Variants in AKT3 observed in about 807,000 individuals in gnomAD.
The protein encoded by AKT3 is AKT serine/threonine kinase 3, also known as RAC-gamma serine/threonine-protein kinase.
In AKT3, 15 loss-of-function variants were observed where a neutral mutation model predicts 65.3. The ratio of observed to expected loss-of-function variants is 0.23; its 90% CI spans 0.15 to 0.35. The LOEUF (loss-of-function observed/expected upper bound fraction) is 0.35. Ranked by LOEUF, AKT3 falls within the 10% of genes least tolerant of loss-of-function variation. AKT3 has a pLI of 1.00. For missense variants in AKT3, 243 were observed against 576.5 expected (o/e 0.42, Z 5.92); for synonymous variants, 206 against 183.8 (o/e 1.12, Z -0.98).
chr1:243,805,299 C>T (rs1313540382), intron 2 of AKT3, among the ~76,000 whole-genome samples: 1 of 152,132 alleles, frequency 6.6e-6, no homozygotes, highest in East Asian at 1.9e-4. Flanking sequence ...AGATTAACCC[C>T]ATCACCTATG....
intron 2 of AKT3, among the ~76,000 whole-genome samples, chr1:243,829,123 C>T (rs531622933): frequency 6.6e-6 from 1 of 152,242 alleles, no homozygotes; most frequent in African/African-American, 2.4e-5. Context: ...GATAATACTA[C>T]CTATAATTTG....
At chr1:243,672,189 T>C (rs1289618743) in intron 3 of AKT3, among the ~76,000 whole-genome samples, 1 of 152,136 alleles carries the variant, frequency 6.6e-6, no homozygotes, top group African/African-American at 2.4e-5. Context: ...TGACATCTCG[T>C]TTCTCCAGGT....
chr1:243,540,535 T>C (rs557867853), intron 12 of AKT3, among the ~76,000 whole-genome samples: 1 of 152,292 alleles, frequency 6.6e-6, no homozygotes, highest in South Asian at 2.1e-4. Context: ...TACAAAAATA[T>C]AGTACACATA....
chr1:243,832,446 AG>A (rs1172648657), intron 2 of AKT3, among the ~76,000 whole-genome samples: 1 of 152,208 alleles, frequency 6.6e-6, no homozygotes, highest in Non-Finnish European at 1.5e-5. Flanking sequence ...ACACATACCT[AG>A]CAAAATTTCA....
intron 2 of AKT3, among the ~76,000 whole-genome samples, chr1:243,839,910 C>T (rs1234263518): frequency 2.0e-5 from 3 of 150,206 alleles, no homozygotes; most frequent in Admixed American, 2.0e-4. Context: ...GGTCCGGGTG[C>T]GGTGGCTCAC....
At chr1:243,662,120 A>G (rs2147910090) in intron 4 of AKT3, among the ~76,000 whole-genome samples, 1 of 151,992 alleles carries the variant, frequency 6.6e-6, no homozygotes, top group East Asian at 1.9e-4. Flanking sequence ...ACTGTAAACT[A>G]GTTCAACCAT....
At chr1:243,593,976 T>A (rs1303022035) in intron 8 of AKT3, among the ~76,000 whole-genome samples, 2 of 152,098 alleles carry the variant, frequency 1.3e-5, no homozygotes, top group Non-Finnish European at 2.9e-5. Context: ...GACAAATATA[T>A]ACATGCCATA....
At chr1:243,841,033 A>G (rs1247708835) in intron 2 of AKT3, among the ~76,000 whole-genome samples, 1 of 152,124 alleles carries the variant, frequency 6.6e-6, no homozygotes, top group Admixed American at 6.5e-5. Context: ...TTTTCATTTT[A>G]TACCTTTGTG....
intron 4 of AKT3, among the ~76,000 whole-genome samples, chr1:243,661,378 G>A (rs1329185257): frequency 2.0e-5 from 3 of 152,270 alleles, no homozygotes; most frequent in African/African-American, 7.2e-5. Flanking sequence ...CAATGGAACA[G>A]AACAGGGCCC....
chr1:243,621,381 C>T (rs1431480616), intron 6 of AKT3, among the ~76,000 whole-genome samples: 1 of 152,162 alleles, frequency 6.6e-6, no homozygotes, highest in African/African-American at 2.4e-5. Flanking sequence ...ATCCTAATCT[C>T]TTCATCTTCC....
Position 243,504,135 on chromosome 1 carries a change from T to C in AKT3, c.*1114A>G, listed in dbSNP as rs1250356926. On this transcript the variant is annotated 3_prime_UTR_variant, in exon 14 of 14. Transcript: ENST00000673466. ...GATTCTCATCAGCGTGTACAATCCT[T>C]GCACATGGGTCAAAAGTAACTGCAG... The C allele has an allele frequency of 4.5e-6, 1 of 220,284 alleles. No individual in the cohort carries two copies. The highest frequency in any genetic ancestry group is 9.1e-6 in the Non-Finnish European group (1 of 109,740). 13.6% of individuals were successfully genotyped at this position (220,284 alleles called of 1,614,324 possible).
intron 3 of AKT3, among the ~76,000 whole-genome samples, chr1:243,691,430 T>G (rs1419351926): frequency 6.6e-6 from 1 of 152,160 alleles, no homozygotes; most frequent in Non-Finnish European, 1.5e-5. Flanking sequence ...AAAGACCACT[T>G]TGATACCCGC....
chr1:243,592,027 C>A (rs1464524008), intron 8 of AKT3, among the ~76,000 whole-genome samples: 1 of 152,012 alleles, frequency 6.6e-6, no homozygotes, highest in Non-Finnish European at 1.5e-5. Context: ...GCTTATAGAT[C>A]CACAAGGCTT....
chr1:243,544,353 G>A (rs950308287), intron 12 of AKT3, among the ~76,000 whole-genome samples: 1 of 151,878 alleles, frequency 6.6e-6, no homozygotes, highest in Non-Finnish European at 1.5e-5. Context: ...GGTGGGTGCA[G>A]TGGTTCACGT....
chr1:243,551,331 A>G (rs775222231), intron 11 of AKT3, among the ~76,000 whole-genome samples: 1 of 152,224 alleles, frequency 6.6e-6, no homozygotes, highest in Non-Finnish European at 1.5e-5. Context: ...TCTGAAGAAG[A>G]AAACAAAATC....
chr1:243,659,256 G>A (rs2147896350), intron 4 of AKT3, among the ~76,000 whole-genome samples: 1 of 152,260 alleles, frequency 6.6e-6, no homozygotes, highest in South Asian at 2.1e-4. Flanking sequence ...TGGTTTCCAG[G>A]GGCTGGGGGT....
chr1:243,771,692 A>T (rs1690195856), intron 2 of AKT3, among the ~76,000 whole-genome samples: 1 of 152,058 alleles, frequency 6.6e-6, no homozygotes, highest in Non-Finnish European at 1.5e-5. Flanking sequence ...TAAAAATACC[A>T]CAAAAGGTTC....
chr1:243,806,978 G>T (rs1439145149), intron 2 of AKT3, among the ~76,000 whole-genome samples: 1 of 152,102 alleles, frequency 6.6e-6, no homozygotes, highest in Non-Finnish European at 1.5e-5. Flanking sequence ...ACTGATTCAG[G>T]CAATATCATC....
intron 4 of AKT3, among the ~76,000 whole-genome samples, chr1:243,663,138 C>G (rs1236574226): frequency 6.6e-6 from 1 of 152,164 alleles, no homozygotes; most frequent in Non-Finnish European, 1.5e-5. Flanking sequence ...AGCAAGGAAG[C>G]CATCATCTTT....
Sources: allele counts gnomAD v4.1 joint callset (sites outside exome capture counted in the v4.1 genomes callset), GRCh38; gene constraint gnomAD v4.1.1; transcripts MANE v1.5; gene names NCBI Gene and HGNC (gene_info 2026-07-23, HGNC 2026-07-21).